Variants in EPC1 observed in about 807,000 individuals in gnomAD.
EPC1 encodes enhancer of polycomb 1.
A neutral mutation model predicts 98.4 loss-of-function variants in EPC1; 12 were observed. The observed-to-expected ratio is 0.12, with a 90% CI of 0.08 to 0.20. The LOEUF is 0.20. Among genes scored for constraint, EPC1 ranks in the 10% least tolerant of loss-of-function variants. The pLI is 1.00. For synonymous variants in EPC1, 357 were observed against 363.9 expected, an observed-to-expected ratio of 0.98 and a Z score of 0.21; for missense variants, 729 against 990.5, an observed-to-expected ratio of 0.74 and a Z score of 3.54.
At position 32,290,162 on chromosome 10, in the gene EPC1, C is replaced by T. The variant is rs569070819; in HGVS notation, c.975+1001G>A. Among the ~76,000 whole-genome samples the T allele has an allele frequency of 1.4e-4, 22 of 152,134 alleles. No homozygotes were observed. The South Asian group carries it at 4.2e-3, about 29-fold the overall frequency. On this transcript the variant is annotated intron_variant, in intron 6 of 13. Coordinates refer to ENST00000319778, the MANE Select transcript of EPC1 (RefSeq NM_001272004.3). Reference sequence around the variant, plus strand: ...TAAGATATCAAAATTCCCTCTTATACACTATTGTGTCCACAAAAGACAGAA... The same window carrying T: ...TAAGATATCAAAATTCCCTCTTATATACTATTGTGTCCACAAAAGACAGAA...
Position 32,268,882 on chromosome 10 carries a change from A to AT in EPC1, c.*180dup, listed in dbSNP as rs562372711. 3 of 562,480 alleles carry AT rather than the reference A, an allele frequency of 5.3e-6. No individual in the cohort carries two copies. Among genetic ancestry groups the AT allele is most frequent in the African/African-American group, 1.9e-5 (1 of 52,990 alleles). 34.8% of individuals were successfully genotyped at this position (562,480 alleles called of 1,614,324 possible). A position where few individuals can be genotyped will look rare whatever the true frequency, so the allele number is the denominator to read the frequency against. On this transcript the variant is annotated 3_prime_UTR_variant, in exon 14 of 14. Coordinates refer to ENST00000319778, the MANE Select transcript of EPC1 (RefSeq NM_001272004.3). Reference sequence around the variant, plus strand: ...CTGTATTCTTAATTTACAGATGTTGATTTTTTTCCTATTAACAGTAAGAAA... The same window carrying AT: ...CTGTATTCTTAATTTACAGATGTTGATTTTTTTTCCTATTAACAGTAAGAAA...
At chr10:32,325,480 T>C (rs1451072331) in intron 1 of EPC1, among the ~76,000 whole-genome samples, 6 of 152,338 alleles carry the variant, frequency 3.9e-5, no homozygotes, top group African/African-American at 1.4e-4. Flanking sequence ...GGGCTAATGG[T>C]TGCAAAACGT....
intron 10 of EPC1, among the ~76,000 whole-genome samples, chr10:32,279,984 C>T (rs1343165481): frequency 1.3e-5 from 2 of 152,136 alleles, no homozygotes; most frequent in Non-Finnish European, 1.5e-5. Context: ...GGACCAAGCA[C>T]TCAACACACC....
At chr10:32,311,049 G>A (rs988619087) in intron 1 of EPC1, among the ~76,000 whole-genome samples, 4 of 152,134 alleles carry the variant, frequency 2.6e-5, no homozygotes, top group African/African-American at 9.7e-5. Flanking sequence ...GGTGGCTCAC[G>A]CCTGTAATCC....
chr10:32,308,451 T>C (rs1836003656), intron 1 of EPC1, among the ~76,000 whole-genome samples: 1 of 151,960 alleles, frequency 6.6e-6, no homozygotes, highest in African/African-American at 2.4e-5. Context: ...ACTTCACATA[T>C]TACCACATCC....
At chr10:32,372,915 T>C (rs1444505527) in intron 1 of EPC1, among the ~76,000 whole-genome samples, 1 of 152,096 alleles carries the variant, frequency 6.6e-6, no homozygotes, top group Non-Finnish European at 1.5e-5. Flanking sequence ...TCCCAGCTAC[T>C]TGGGAGGCTG....
At chr10:32,346,254 G>A (rs1838794117) in intron 1 of EPC1, among the ~76,000 whole-genome samples, 1 of 152,174 alleles carries the variant, frequency 6.6e-6, no homozygotes, top group African/African-American at 2.4e-5. Context: ...CCCAGACCAT[G>A]GGGCAATCAA....
At chr10:32,276,372 C>T (rs981296003) in intron 10 of EPC1, among the ~76,000 whole-genome samples, 10 of 152,032 alleles carry the variant, frequency 6.6e-5, no homozygotes, top group South Asian at 2.1e-4. Flanking sequence ...CTTAGCCAGG[C>T]GTGGTGGCAC....
intron 1 of EPC1, among the ~76,000 whole-genome samples, chr10:32,365,819 C>CAAAAAAAAA (rs55769539): frequency 1.0e-4 from 4 of 38,432 alleles, no homozygotes; most frequent in African/African-American, 5.4e-4. Flanking sequence ...CTCCGTCTCA[C>CAAAAAAAAA]AAAAAAAAAA....
intron 13 of EPC1, among the ~76,000 whole-genome samples, chr10:32,270,744 C>A (rs532251229): frequency 7.3e-6 from 1 of 137,376 alleles, no homozygotes; most frequent in South Asian, 2.3e-4. Flanking sequence ...ATCACTTGAA[C>A]CTGGGAGGCA....
chr10:32,297,581 C>G (rs1835246882), intron 2 of EPC1, among the ~76,000 whole-genome samples: 1 of 151,998 alleles, frequency 6.6e-6, no homozygotes, highest in African/African-American at 2.4e-5. Context: ...GTCATCGCAA[C>G]TGGCCTATAA....
chr10:32,289,161 G>A (rs955259996), intron 6 of EPC1, among the ~76,000 whole-genome samples: 1 of 151,988 alleles, frequency 6.6e-6, no homozygotes, highest in Non-Finnish European at 1.5e-5. Context: ...TATTACAAAT[G>A]CAGGACATAA....
intron 1 of EPC1, among the ~76,000 whole-genome samples, chr10:32,375,159 A>T (rs753323407): frequency 5.9e-5 from 9 of 152,102 alleles, no homozygotes; most frequent in Non-Finnish European, 1.2e-4. Flanking sequence ...AACAGAGGTA[A>T]ATATGCATGA....
upstream of EPC1, among the ~76,000 whole-genome samples, chr10:32,351,769 T>C (rs1480339255): frequency 3.3e-5 from 5 of 149,444 alleles, no homozygotes; most frequent in East Asian, 6.3e-4. Flanking sequence ...CTTGCTCTGT[T>C]GCCCAGGCTG....
chr10:32,276,343 T>G (rs971742767), intron 10 of EPC1, among the ~76,000 whole-genome samples: 4 of 152,108 alleles, frequency 2.6e-5, no homozygotes, highest in Non-Finnish European at 4.4e-5. Flanking sequence ...AAACCCCGTC[T>G]CTACCAAAAA....
intron 1 of EPC1, among the ~76,000 whole-genome samples, chr10:32,330,511 T>C (rs2505404): frequency 0.62 from 94,261 of 152,096 alleles, 30,336 homozygotes; most frequent in Middle Eastern, 0.76. Context: ...AAGACACACA[T>C]GTATTAGGGA....
intron 2 of EPC1, among the ~76,000 whole-genome samples, chr10:32,295,976 T>C (rs191214132): frequency 1.2e-4 from 18 of 150,858 alleles, no homozygotes; most frequent in Non-Finnish European, 1.9e-4. Flanking sequence ...CAGGCTGGAG[T>C]GCAGTGGGGC....
intron 1 of EPC1, among the ~76,000 whole-genome samples, chr10:32,342,626 C>G (rs1181198642): frequency 6.6e-6 from 1 of 152,170 alleles, no homozygotes; most frequent in Admixed American, 6.5e-5. Context: ...TCAAAGGTGA[C>G]TGTAGGGTAG....
intron 11 of EPC1, 199 bp downstream of exon 11, chr10:32,272,964 T>C (rs113715633): frequency 1.3e-6 from 2 of 1,495,776 alleles, no homozygotes; most frequent in Non-Finnish European, 1.9e-6. Flanking sequence ...CTAAGTGCTT[T>C]AGTTTTACTT....
Sources: allele counts gnomAD v4.1 joint callset (sites outside exome capture counted in the v4.1 genomes callset), GRCh38; gene constraint gnomAD v4.1.1; transcripts MANE v1.5; gene names NCBI Gene and HGNC (gene_info 2026-07-23, HGNC 2026-07-21).